Variants in TRPM3 observed in about 807,000 individuals in gnomAD.
TRPM3 encodes long transient receptor potential channel 3.
TRPM3 carries 77 observed loss-of-function variants against 181.2 expected under a neutral mutation model. The observed-to-expected ratio is 0.42, with a 90% CI of 0.35 to 0.51. The LOEUF is 0.51. Ranked by LOEUF, TRPM3 falls within the 20% of genes least tolerant of loss-of-function variation. The pLI is 0.01. For synonymous variants in TRPM3, 745 were observed against 796.4 expected, an observed-to-expected ratio of 0.94 and a Z score of 1.09; for missense variants, 1,759 against 2,196.7, an observed-to-expected ratio of 0.80 and a Z score of 3.98.
intron 22 of TRPM3, among the ~76,000 whole-genome samples, chr9:70,584,381 T>G (rs557645334): frequency 3.9e-5 from 6 of 152,202 alleles, no homozygotes; most frequent in Admixed American, 2.0e-4. Context: ...TGTTTTTCAC[T>G]CTTGTGCAAA....
intron 1 of TRPM3, among the ~76,000 whole-genome samples, chr9:71,313,602 C>T (rs1213814947): frequency 1.3e-5 from 2 of 152,086 alleles, no homozygotes; most frequent in African/African-American, 4.8e-5. Context: ...ATTTCTGTTG[C>T]ATACCTTTTC....
At chr9:71,194,782 G>T (rs1181019776) in intron 1 of TRPM3, among the ~76,000 whole-genome samples, 1 of 151,576 alleles carries the variant, frequency 6.6e-6, no homozygotes, top group African/African-American at 2.4e-5. Context: ...ACCATTGGGA[G>T]TATGCAACAC....
intron 1 of TRPM3, among the ~76,000 whole-genome samples, chr9:71,262,521 G>T (rs1211988883): frequency 6.6e-6 from 1 of 152,128 alleles, no homozygotes; most frequent in Admixed American, 6.5e-5. Flanking sequence ...CCAAGGGAGT[G>T]AACAGTTCTA....
At chr9:70,694,358 C>T (rs966779657) in intron 8 of TRPM3, among the ~76,000 whole-genome samples, 11 of 152,178 alleles carry the variant, frequency 7.2e-5, no homozygotes, top group Middle Eastern at 6.3e-3. Context: ...ATTTTCTTTC[C>T]TCAGGCTCAG....
At chr9:71,155,190 G>A (rs899595464) in intron 1 of TRPM3, among the ~76,000 whole-genome samples, 2 of 152,106 alleles carry the variant, frequency 1.3e-5, no homozygotes. Flanking sequence ...TGTGTCTACC[G>A]TTGGGAGAGC....
intron 1 of TRPM3, among the ~76,000 whole-genome samples, chr9:71,209,862 C>T (rs1587968207): frequency 6.6e-6 from 1 of 152,190 alleles, no homozygotes; most frequent in Admixed American, 6.5e-5. Flanking sequence ...TCTATGGCTG[C>T]TTTTACATTA....
At chr9:71,068,133 T>C (rs1293870439) in intron 1 of TRPM3, among the ~76,000 whole-genome samples, 1 of 152,216 alleles carries the variant, frequency 6.6e-6, no homozygotes, top group Non-Finnish European at 1.5e-5. Flanking sequence ...TTATGATTCC[T>C]GACCTATCAA....
At chr9:70,898,199 T>C (rs1214869170) in intron 1 of TRPM3, among the ~76,000 whole-genome samples, 2 of 151,294 alleles carry the variant, frequency 1.3e-5, no homozygotes, top group East Asian at 4.0e-4. Flanking sequence ...CTCGGCTCAC[T>C]GCAAGCTCCG....
intron 1 of TRPM3, among the ~76,000 whole-genome samples, chr9:70,951,795 G>A (rs2133703828): frequency 6.6e-6 from 1 of 152,294 alleles, no homozygotes; most frequent in African/African-American, 2.4e-5. Context: ...GGATTTTGCA[G>A]AGCTAAAGGA....
intron 5 of TRPM3, among the ~76,000 whole-genome samples, chr9:70,841,519 C>T (rs1267554254): frequency 6.7e-6 from 1 of 149,764 alleles, no homozygotes. Context: ...ATAAAAAAGA[C>T]ACCTGCACTT....
chr9:70,607,744 A>C (rs1229067521), intron 19 of TRPM3, among the ~76,000 whole-genome samples: 4 of 152,068 alleles, frequency 2.6e-5, no homozygotes, highest in Non-Finnish European at 5.9e-5. Context: ...GTCATCATGG[A>C]CGTTTTAGAG....
intron 1 of TRPM3, among the ~76,000 whole-genome samples, chr9:71,320,706 AT>A (rs903415021): frequency 6.6e-6 from 1 of 152,110 alleles, no homozygotes; most frequent in African/African-American, 2.4e-5. Flanking sequence ...CCACTTATAC[AT>A]GGTGACTCAC....
At chr9:71,272,671 A>T (rs943758841) in intron 1 of TRPM3, among the ~76,000 whole-genome samples, 2 of 152,130 alleles carry the variant, frequency 1.3e-5, no homozygotes, top group African/African-American at 4.8e-5. Flanking sequence ...CATTTGTGTA[A>T]TAGAAACTGT....
chr9:70,976,737 T>C (rs2050807422), intron 1 of TRPM3, among the ~76,000 whole-genome samples: 1 of 152,174 alleles, frequency 6.6e-6, no homozygotes, highest in African/African-American at 2.4e-5. Context: ...AATCCCCTCA[T>C]CTGTTAAAAT....
At position 70,791,110 on chromosome 9, in the gene TRPM3, T is replaced by C. The variant is rs1009047688; in HGVS notation, c.974-6831A>G. Among the ~76,000 whole-genome samples the C allele has an allele frequency of 2.6e-5, 4 of 152,232 alleles. No individual in the cohort carries two copies. The South Asian group carries it at 6.2e-4, about 24-fold the overall frequency. On this transcript the variant is annotated intron_variant, in intron 6 of 25. Coordinates refer to ENST00000677713, the MANE Select transcript of TRPM3 (RefSeq NM_001366145.2). ...GATAAATTATTCAAGACAGCCTAAC[T>C]ATAACTGGAATGTGTCTGACCTTAC...
intron 1 of TRPM3, among the ~76,000 whole-genome samples, chr9:71,338,858 C>A (rs551577701): frequency 6.6e-6 from 1 of 152,068 alleles, no homozygotes; most frequent in Admixed American, 6.6e-5. Context: ...GCAAAGATGT[C>A]GAATATTCAC....
intron 1 of TRPM3, among the ~76,000 whole-genome samples, chr9:71,382,434 A>C (rs1238173762): frequency 6.6e-6 from 1 of 152,170 alleles, no homozygotes; most frequent in Non-Finnish European, 1.5e-5. Context: ...GCTATTGGAA[A>C]ATAGTAAAGC....
At chr9:71,093,394 AAAAC>A (rs754308046) in intron 1 of TRPM3, among the ~76,000 whole-genome samples, 4 of 152,210 alleles carry the variant, frequency 2.6e-5, no homozygotes, top group Non-Finnish European at 5.9e-5. Flanking sequence ...ACAAGAAAAA[AAAAC>A]AAACAACCCA....
chr9:71,378,184 G>A (rs551919132), intron 1 of TRPM3, among the ~76,000 whole-genome samples: 17 of 152,068 alleles, frequency 1.1e-4, no homozygotes, highest in South Asian at 4.1e-4. Flanking sequence ...GAGAAGATAC[G>A]CAAATAGTCA....
Sources: gnomAD v4.1 joint callset for allele counts (sites outside exome capture counted in the v4.1 genomes callset) on GRCh38, gnomAD v4.1.1 for gene constraint, MANE v1.5 for transcripts, NCBI Gene and HGNC (gene_info 2026-07-23, HGNC 2026-07-21) for gene names.